Variants in SEMA3A observed in about 807,000 individuals in gnomAD.
SEMA3A encodes semaphorin 3A, also known as semaphorin-3A.
Under a neutral mutation model 97.9 loss-of-function variants are expected in SEMA3A, and 29 were observed. The ratio of observed to expected loss-of-function variants is 0.30; its 90% CI spans 0.22 to 0.40. The LOEUF is 0.40. Ranked by LOEUF, SEMA3A falls within the 10% of genes least tolerant of loss-of-function variation. The probability of loss-of-function intolerance (pLI) is 1.00; values close to 1 mark genes in which losing one functional copy is unlikely to be tolerated. For missense variants in SEMA3A, 763 were observed against 951.3 expected (o/e 0.80, Z 2.60); for synonymous variants, 321 against 323.7 (o/e 0.99, Z 0.09).
intron 3 of SEMA3A, among the ~76,000 whole-genome samples, chr7:84,249,298 C>A (rs755773556): frequency 6.6e-6 from 1 of 151,770 alleles, no homozygotes; most frequent in Non-Finnish European, 1.5e-5. Context: ...CAATTGAGAC[C>A]AAGATGGAAA....
intron 2 of SEMA3A, among the ~76,000 whole-genome samples, chr7:84,318,182 T>G (rs1801557270): frequency 6.6e-6 from 1 of 152,144 alleles, no homozygotes; most frequent in Admixed American, 6.5e-5. Flanking sequence ...CTTTAGCTAT[T>G]ACATGTTAAT....
chr7:84,412,510 C>G (rs992086474), intron 1 of SEMA3A, among the ~76,000 whole-genome samples: 2 of 152,086 alleles, frequency 1.3e-5, no homozygotes, highest in Non-Finnish European at 2.9e-5. Flanking sequence ...AAAAATCCCC[C>G]TAAAGCTCTT....
At chr7:84,021,531 T>C (rs1035183038) in intron 6 of SEMA3A, among the ~76,000 whole-genome samples, 1 of 152,212 alleles carries the variant, frequency 6.6e-6, no homozygotes, top group Non-Finnish European at 1.5e-5. Context: ...CCTTACCATC[T>C]CCAAACCACG....
intron 3 of SEMA3A, among the ~76,000 whole-genome samples, chr7:84,262,224 T>A (rs949188886): frequency 6.6e-6 from 1 of 152,166 alleles, no homozygotes; most frequent in East Asian, 1.9e-4. Context: ...TTTTTGTTTT[T>A]TGTTTTTGAG....
chr7:84,208,146 C>G (rs1798536356), intron 3 of SEMA3A, among the ~76,000 whole-genome samples: 2 of 151,890 alleles, frequency 1.3e-5, no homozygotes, highest in African/African-American at 4.8e-5. Flanking sequence ...AGGTTATATA[C>G]TAAAATGTTA....
At chr7:84,199,334 A>G (rs545698320), upstream of SEMA3A, among the ~76,000 whole-genome samples, 1 of 152,274 alleles carries the variant, frequency 6.6e-6, no homozygotes, top group Admixed American at 6.5e-5. Context: ...TTTCATTGTG[A>G]TCAGATACAG....
intron 1 of SEMA3A, among the ~76,000 whole-genome samples, chr7:84,380,712 G>A (rs745579939): frequency 2.0e-5 from 3 of 152,190 alleles, no homozygotes; most frequent in Non-Finnish European, 4.4e-5. Flanking sequence ...AAATCAAGGA[G>A]TCAGCAGGGC....
intron 4 of SEMA3A, among the ~76,000 whole-genome samples, chr7:84,089,406 AATTATTACC>A (rs1289914741): frequency 6.6e-6 from 1 of 152,178 alleles, no homozygotes; most frequent in African/African-American, 2.4e-5. Context: ...AAAATTTGTC[AATTATTACC>A]ATATGAATAA....
chr7:84,381,174 C>A (rs1803249517), intron 1 of SEMA3A, among the ~76,000 whole-genome samples: 1 of 152,108 alleles, frequency 6.6e-6, no homozygotes, highest in African/African-American at 2.4e-5. Context: ...AAGCTAAACT[C>A]TACTCAATAA....
intron 6 of SEMA3A, among the ~76,000 whole-genome samples, chr7:84,015,254 T>C (rs1344631254): frequency 2.9e-5 from 1 of 34,288 alleles, no homozygotes; most frequent in East Asian, 5.4e-4. Context: ...TGAGAATAAG[T>C]ATTTGTTGTA....
At chr7:84,303,544 T>C (rs1267034147) in intron 3 of SEMA3A, among the ~76,000 whole-genome samples, 1 of 151,872 alleles carries the variant, frequency 6.6e-6, no homozygotes, top group Non-Finnish European at 1.5e-5. Context: ...TTGACTAGTC[T>C]TCATTTGAAA....
intron 3 of SEMA3A, among the ~76,000 whole-genome samples, chr7:84,212,877 T>G (rs1350680593): frequency 1.3e-5 from 2 of 152,226 alleles, no homozygotes; most frequent in Non-Finnish European, 2.9e-5. Context: ...CAAGTTTTAT[T>G]AAAAATAAGT....
intron 4 of SEMA3A, among the ~76,000 whole-genome samples, chr7:84,100,517 T>C (rs1330996010): frequency 6.6e-6 from 1 of 152,144 alleles, no homozygotes; most frequent in Non-Finnish European, 1.5e-5. Context: ...GTAATACTTT[T>C]AAAGTACAGG....
intron 1 of SEMA3A, among the ~76,000 whole-genome samples, chr7:84,163,792 A>G (rs1298770782): frequency 6.6e-6 from 1 of 151,802 alleles, no homozygotes; most frequent in Non-Finnish European, 1.5e-5. Context: ...TAGGCTTTTC[A>G]GATAAATCAC....
chr7:84,048,132 A>G (rs1434870666), intron 5 of SEMA3A, among the ~76,000 whole-genome samples: 1 of 152,094 alleles, frequency 6.6e-6, no homozygotes, highest in Non-Finnish European at 1.5e-5. Flanking sequence ...TATGTTGAGT[A>G]TAAATTATTA....
chr7:84,488,587 T>G (rs1806644151), intron 1 of SEMA3A, among the ~76,000 whole-genome samples: 1 of 152,070 alleles, frequency 6.6e-6, no homozygotes, highest in Admixed American at 6.6e-5. Context: ...CATCGCTGGG[T>G]TGGAAATACC....
At position 83,957,191 on chromosome 7, in the gene SEMA3A, G is replaced by A. The variant is rs1788305845; in HGVS notation, c.*4180C>T. 2 of 152,128 alleles carry A rather than the reference G, an allele frequency of 1.3e-5. No homozygotes were observed. The highest frequency in any genetic ancestry group is 4.8e-5 in the African/African-American group (2 of 41,434). 9.4% of individuals were successfully genotyped at this position (152,128 alleles called of 1,614,324 possible). A position where few individuals can be genotyped will look rare whatever the true frequency, so the allele number is the denominator to read the frequency against. On this transcript the variant is annotated 3_prime_UTR_variant, in exon 17 of 17. Coordinates refer to ENST00000265362, the MANE Select transcript of SEMA3A (RefSeq NM_006080.3). ...CAAGGCACAGGTTTAGCATAGAGAA[G>A]GTCCCTAGCTTGAACTAGGGATGGG...
intron 1 of SEMA3A, among the ~76,000 whole-genome samples, chr7:84,411,191 A>G (rs1365115495): frequency 6.6e-6 from 1 of 152,042 alleles, no homozygotes; most frequent in Non-Finnish European, 1.5e-5. Context: ...GTAATACTTG[A>G]TTTCTGGACT....
rs556816643 is a variant in SEMA3A, at chr7:83,998,975, C to A, written c.1452+2980G>T. On this transcript the variant is annotated intron_variant, in intron 12 of 16. Coordinates refer to ENST00000265362, the MANE Select transcript of SEMA3A (RefSeq NM_006080.3). ...TATTATAGGAGATAACACATTATCT[C>A]CTATGATAACAATGCTACCTTCTGG... 3.9e-5 allele frequency among the ~76,000 whole-genome samples: 6 copies of A among 152,144 alleles called. No homozygotes were observed. In the South Asian group the frequency reaches 1.2e-3, roughly 32 times the overall value.
Sources: allele counts gnomAD v4.1 joint callset (sites outside exome capture counted in the v4.1 genomes callset), GRCh38; gene constraint gnomAD v4.1.1; transcripts MANE v1.5; gene names NCBI Gene and HGNC (gene_info 2026-07-23, HGNC 2026-07-21).